Variants in ERI1 observed in about 807,000 individuals in gnomAD.
ERI1 encodes the protein 3'-5' exoribonuclease 1.
In ERI1, 39 loss-of-function variants were observed where a neutral mutation model predicts 39.7. That is an observed-to-expected ratio of 0.98 (90% CI 0.76 to 1.28). The LOEUF (loss-of-function observed/expected upper bound fraction) is 1.28, where lower values mean the gene tolerates loss of function less well. ERI1 is among the 50% of genes most tolerant of loss of function. The probability of loss-of-function intolerance (pLI) is 0.00; values close to 1 mark genes in which losing one functional copy is unlikely to be tolerated. For missense variants in ERI1, 581 were observed against 416.9 expected, an observed-to-expected ratio of 1.39 and a Z score of -3.43; for synonymous variants, 204 against 149.6, an observed-to-expected ratio of 1.36 and a Z score of -2.65.
intron 3 of ERI1, among the ~76,000 whole-genome samples, chr8:9,092,373 G>C (rs1463702557): frequency 6.6e-6 from 1 of 151,982 alleles, no homozygotes; most frequent in Admixed American, 6.6e-5. Context: ...GAATCTTCCC[G>C]TCTACACCAT....
At chr8:9,093,455 G>C (rs1332719644) in intron 3 of ERI1, among the ~76,000 whole-genome samples, 1 of 147,508 alleles carries the variant, frequency 6.8e-6, no homozygotes, top group Non-Finnish European at 1.5e-5. Context: ...ATAGACACAG[G>C]TATATGCATA....
At chr8:9,095,332 T>C (rs1799843013) in intron 3 of ERI1, among the ~76,000 whole-genome samples, 1 of 152,168 alleles carries the variant, frequency 6.6e-6, no homozygotes, top group South Asian at 2.1e-4. Flanking sequence ...CCAGTAGATA[T>C]CTTTTCAGTC....
rs529597278 is a variant in ERI1, at chr8:9,066,688, A to G, written n.299+46224A>G. Among the ~76,000 whole-genome samples the G allele has an allele frequency of 5.9e-5, 9 of 152,352 alleles. No individual in the cohort carries two copies. In the South Asian group the frequency reaches 1.2e-3, roughly 21 times the overall value. On this transcript the variant is annotated intron_variant and non_coding_transcript_variant, in intron 3 of 3. Coordinates refer to the ERI1 transcript ENST00000518663. Reference sequence around the variant, plus strand: ...AAGGGACATACTTAACATTTTAAGTATTCTATTTTCTTACCTGAAATTTAA... The same window carrying G: ...AAGGGACATACTTAACATTTTAAGTGTTCTATTTTCTTACCTGAAATTTAA...
intron 3 of ERI1, among the ~76,000 whole-genome samples, chr8:9,061,147 C>T (rs1440106997): frequency 6.6e-6 from 1 of 152,152 alleles, no homozygotes; most frequent in Non-Finnish European, 1.5e-5. Context: ...GCATAGCCTG[C>T]CTTTGCTGAT....
chr8:9,005,514 GTTT>G (rs60847461), intron 1 of ERI1, among the ~76,000 whole-genome samples: 19 of 130,816 alleles, frequency 1.5e-4, no homozygotes, highest in African/African-American at 4.5e-4. Flanking sequence ...GTTTTTTTAT[GTTT>G]TTTTTTTTTT....
At chr8:9,044,955 T>C (rs1343527608) in intron 3 of ERI1, among the ~76,000 whole-genome samples, 6 of 152,038 alleles carry the variant, frequency 3.9e-5, no homozygotes, top group South Asian at 2.1e-4. Flanking sequence ...AGTAGTAATA[T>C]TGCCAGGCGT....
chr8:9,040,687 G>C (rs1429829983), intron 3 of ERI1, among the ~76,000 whole-genome samples: 1 of 150,566 alleles, frequency 6.6e-6, no homozygotes, highest in East Asian at 2.0e-4. Context: ...TGTTATTTTT[G>C]TATGTTAATA....
At chr8:9,098,621 G>A (rs947583974) in intron 3 of ERI1, among the ~76,000 whole-genome samples, 25 of 152,144 alleles carry the variant, frequency 1.6e-4, no homozygotes, top group Admixed American at 4.6e-4. Flanking sequence ...TGGGTACAGT[G>A]TACACTGCTT....
At chr8:9,015,722 C>CAAAAAAAAAAAAAAAAAAAAAAAAA (rs758835506) in intron 3 of ERI1, among the ~76,000 whole-genome samples, 1 of 56,576 alleles carries the variant, frequency 1.8e-5, no homozygotes. Context: ...ACTCTGTCTC[C>CAAAAAAAAAAAAAAAAAAAAAAAAA]AAAAAAAAAA....
chr8:9,068,243 C>T (rs1483389593), intron 3 of ERI1, among the ~76,000 whole-genome samples: 2 of 152,184 alleles, frequency 1.3e-5, no homozygotes, highest in African/African-American at 2.4e-5. Context: ...CTGGAAATCT[C>T]GCCCAACACC....
At chr8:9,037,040 T>C (rs919373999), downstream of ERI1, among the ~76,000 whole-genome samples, 14 of 152,164 alleles carry the variant, frequency 9.2e-5, no homozygotes, top group Non-Finnish European at 1.5e-5. Context: ...ACACAGACTA[T>C]TGCTAAAATT....
rs527474317 is a variant in ERI1, at chr8:9,030,966, A to C, written c.*932A>C. Reference sequence around the variant, plus strand: ...CACTAGTGAAGTTAGTCAATAAAAGACTTGTTTTTCTGATTTTACATAGTA... The same window carrying C: ...CACTAGTGAAGTTAGTCAATAAAAGCCTTGTTTTTCTGATTTTACATAGTA... On this transcript the variant is annotated 3_prime_UTR_variant, in exon 7 of 7. Transcript: ENST00000250263. 1 of 152,294 alleles carries C rather than the reference A, an allele frequency of 6.6e-6. No homozygotes were observed. Among genetic ancestry groups the C allele is most frequent in the South Asian group, 2.1e-4 (1 of 4,830 alleles). The allele number at this position is 152,294 out of a possible 1,614,324, so 9.4% of individuals were successfully genotyped here.
At chr8:9,074,990 T>C (rs1386370004) in intron 3 of ERI1, among the ~76,000 whole-genome samples, 1 of 152,154 alleles carries the variant, frequency 6.6e-6, no homozygotes, top group Non-Finnish European at 1.5e-5. Context: ...ACGTGTTTAC[T>C]TGCATTCCTC....
chr8:9,018,702 A>G (rs560274539), intron 5 of ERI1, among the ~76,000 whole-genome samples: 4 of 152,312 alleles, frequency 2.6e-5, no homozygotes, highest in Non-Finnish European at 5.9e-5. Flanking sequence ...CAGACTCTTG[A>G]GCTTGGCCTT....
chr8:9,010,284 C>T (rs966592025), intron 2 of ERI1, among the ~76,000 whole-genome samples: 1 of 152,124 alleles, frequency 6.6e-6, no homozygotes, highest in Non-Finnish European at 1.5e-5. Context: ...AGTCTCTCCC[C>T]CTATCACACC....
At chr8:9,005,592 G>T (rs536170467) in intron 1 of ERI1, among the ~76,000 whole-genome samples, 1 of 148,552 alleles carries the variant, frequency 6.7e-6, no homozygotes. Context: ...TCGGCTCGCT[G>T]CAAGCTCCGC....
chr8:9,034,795 C>G (rs1364012603), downstream of ERI1, among the ~76,000 whole-genome samples: 1 of 152,156 alleles, frequency 6.6e-6, no homozygotes, highest in African/African-American at 2.4e-5. Context: ...ATGTCAAAAG[C>G]TAAGACGGGC....
At chr8:9,075,127 A>G (rs556283298) in intron 3 of ERI1, among the ~76,000 whole-genome samples, 7 of 152,392 alleles carry the variant, frequency 4.6e-5, no homozygotes, top group African/African-American at 1.7e-4. Flanking sequence ...GTCACAGTCA[A>G]TAAAAAATGT....
chr8:9,051,149 A>AATATATATATGTATGTATATATGAAT (rs1798342543), intron 3 of ERI1, among the ~76,000 whole-genome samples: 2 of 151,626 alleles, frequency 1.3e-5, no homozygotes, highest in African/African-American at 2.4e-5. Context: ...GGTATATATG[A>AATATATATATGTATGTATATATGAAT]ATATATATAT....
Sources: gnomAD v4.1 joint callset for allele counts (sites outside exome capture counted in the v4.1 genomes callset) on GRCh38, gnomAD v4.1.1 for gene constraint, MANE v1.5 for transcripts, NCBI Gene and HGNC (gene_info 2026-07-23, HGNC 2026-07-21) for gene names.